The following HSBP1L1 variants were observed in gnomAD, a reference collection of about 807,000 sequenced individuals.
The protein encoded by HSBP1L1 is heat shock factor-binding protein 1-like protein 1.
HSBP1L1 carries 8 observed loss-of-function variants against 9.7 expected under a neutral mutation model. The ratio of observed to expected loss-of-function variants is 0.82; its 90% confidence interval spans 0.48 to 1.48. HSBP1L1 has a LOEUF of 1.48. HSBP1L1 is among the 40% of genes most tolerant of loss of function. HSBP1L1 has a pLI of 0.00. For missense variants in HSBP1L1, 106 were observed against 95.8 expected (o/e 1.11, Z -0.44); for synonymous variants, 39 against 34.4 (o/e 1.13, Z -0.46).
chr18:79,970,161 C>T, intron 3 of HSBP1L1: 1 of 370,988 alleles, frequency 2.7e-6, no homozygotes, highest in South Asian at 3.6e-5. Flanking sequence ...CTGGCTGTAA[C>T]CTGGGGAAAT....
intron 3 of HSBP1L1, among the ~76,000 whole-genome samples, chr18:79,969,377 AAGAAAG>A (rs1243336164): frequency 0.021 from 1,128 of 53,852 alleles, 29 homozygotes; most frequent in African/African-American, 0.048. Context: ...GAAAGAAAGA[AAGAAAG>A]AAAGAAAGAA....
At chr18:79,969,318 A>AG (rs2051277685) in intron 3 of HSBP1L1, among the ~76,000 whole-genome samples, 7 of 116,738 alleles carry the variant, frequency 6.0e-5, no homozygotes, top group Non-Finnish European at 1.2e-4. Context: ...GAAAGGAAAG[A>AG]AAGAAAGAAA....
intron 2 of HSBP1L1, 188 bp downstream of exon 2, chr18:79,966,866 C>T (rs2051259688): frequency 5.9e-6 from 3 of 511,904 alleles, no homozygotes; most frequent in Admixed American, 6.9e-5. Flanking sequence ...GCTGTACCTC[C>T]GGCCGGGTGC....
chr18:79,966,548 A>G (rs2051258163), intron 1 of HSBP1L1, 64 bp from the exon 2 acceptor site: 2 of 1,304,792 alleles, frequency 1.5e-6, no homozygotes, highest in Non-Finnish European at 2.1e-6. Flanking sequence ...ATCTCAGAAA[A>G]AAAAAAAAAC....
rs953785439 is a variant in HSBP1L1, at chr18:79,966,667, T to C, written c.107T>C (p.Leu36Ser). ...QEHFQALTATLNLRMEEMGNR... is the reference protein window; with the variant it reads ...QEHFQALTATSNLRMEEMGNR... ...CATTTTCAAGCTCTGACGGCAACAT[T>C]AAACCTCAGAAATATCCTTTTCTAC... The change falls in exon 2 of 4, where the codon TTA (leucine) becomes TCA (serine). Residue 36 changes from leucine (L) to serine (S), a missense_variant. Coordinates refer to ENST00000451882, the MANE Select transcript of HSBP1L1 (RefSeq NM_001136180.2). The C allele has an allele frequency of 6.5e-7, 1 of 1,548,160 alleles. No individual in the cohort carries two copies. Among genetic ancestry groups the C allele is most frequent in the Non-Finnish European group, 8.7e-7 (1 of 1,144,084 alleles).
chr18:79,969,365 AAG>A (rs1160656191), intron 3 of HSBP1L1, among the ~76,000 whole-genome samples: 3 of 49,410 alleles, frequency 6.1e-5, no homozygotes, highest in South Asian at 2.4e-3. Context: ...GAAAGAAAGA[AAG>A]AAAGAAAGAA....
At chr18:79,969,335 G>GAA (rs1277031309) in intron 3 of HSBP1L1, among the ~76,000 whole-genome samples, 21 of 16,392 alleles carry the variant, frequency 1.3e-3, no homozygotes, top group African/African-American at 4.5e-3. Context: ...GAAAGAAAAA[G>GAA]AAAGAAAGAA....
At chr18:79,970,319 T>C in intron 3 of HSBP1L1, 121 bp from the exon 4 acceptor site, 1 of 685,444 alleles carries the variant, frequency 1.5e-6, no homozygotes. Context: ...TCCAAATCAT[T>C]ATGATTTCAA....
chr18:79,967,147 C>CAAAAAAAAAAAAGAAAAAAAAA (rs2051261840), intron 2 of HSBP1L1, among the ~76,000 whole-genome samples: 1 of 105,196 alleles, frequency 9.5e-6, no homozygotes, highest in African/African-American at 3.7e-5. Context: ...GACTCCGTCT[C>CAAAAAAAAAAAAGAAAAAAAAA]AAAAAAAAAA....
At chr18:79,965,874 A>G (rs973642767) in intron 1 of HSBP1L1, among the ~76,000 whole-genome samples, 1 of 152,214 alleles carries the variant, frequency 6.6e-6, no homozygotes, top group African/African-American at 2.4e-5. Flanking sequence ...CAAAGGCCTT[A>G]GCACCTTTGT....
At chr18:79,967,345 T>A (rs2051262968) in intron 2 of HSBP1L1, 1 of 152,164 alleles carries the variant, frequency 6.6e-6, no homozygotes, top group Admixed American at 6.5e-5. Flanking sequence ...GATACGGCTC[T>A]CCCAAACTTT....
Position 79,970,550 on chromosome 18 carries a change from C to T in HSBP1L1, c.*99C>T. 2.8e-6 allele frequency: 2 copies of T among 708,850 alleles called. No individual in the cohort carries two copies. The highest frequency in any genetic ancestry group is 2.0e-5 in the Admixed American group (1 of 49,242). 43.9% of individuals were successfully genotyped at this position (708,850 alleles called of 1,614,324 possible). On this transcript the variant is annotated 3_prime_UTR_variant, in exon 4 of 4. Coordinates refer to ENST00000451882, the MANE Select transcript of HSBP1L1 (RefSeq NM_001136180.2). ...CCCTCATCCAACAGGATTCGTCTTT[C>T]TGAGAAGAGACGCAAGGGGCTCGCC... is the stretch of plus-strand genomic sequence containing the variant.
chr18:79,964,721 C>T lies in HSBP1L1; in HGVS notation c.-15C>T, dbSNP rs1416965148. ...CCACGGGACCCCCCACTGACGCCCC[C>T]GGCCAGCGGTCCACATGGACGTGCG... On this transcript the variant is annotated 5_prime_UTR_variant, in exon 1 of 4. Coordinates refer to ENST00000451882, the MANE Select transcript of HSBP1L1 (RefSeq NM_001136180.2). The T allele has an allele frequency of 5.7e-6, 8 of 1,403,608 alleles. No individual in the cohort carries two copies. Among genetic ancestry groups the T allele is most frequent in the Middle Eastern group, 2.3e-4 (1 of 4,266 alleles). The allele number at this position is 1,403,608 out of a possible 1,614,324, so 86.9% of individuals were successfully genotyped here.
chr18:79,964,716 G>GC lies in HSBP1L1; in HGVS notation c.-15dup. The GC allele has an allele frequency of 1.4e-6, 2 of 1,391,970 alleles. No individual in the cohort carries two copies. The highest frequency in any genetic ancestry group is 1.9e-6 in the Non-Finnish European group (2 of 1,068,108). The allele number at this position is 1,391,970 out of a possible 1,614,324, so 86.2% of individuals were successfully genotyped here. ...GCGGCCCACGGGACCCCCCACTGAC[G>GC]CCCCCGGCCAGCGGTCCACATGGAC... On this transcript the variant is annotated 5_prime_UTR_variant, in exon 1 of 4. Transcript: ENST00000451882.
In HSBP1L1 at chr18:79,969,325, G is replaced by GAAAGAA. The variant is rs1254642043; in HGVS notation, c.214-1107_214-1102dup. On this transcript the variant is annotated intron_variant, in intron 3 of 3. Transcript: ENST00000451882. ...GAGAGAGAGAAAGGAAAGAAAGAAA[G>GAAAGAA]AAAGAAAAAGAAAGAAAGAAAGAAA... Among the ~76,000 whole-genome samples the GAAAGAA allele has an allele frequency of 3.0e-5, 3 of 101,672 alleles. 1 individual carries two copies. In the South Asian group the frequency reaches 1.1e-3, roughly 39 times the overall value. The allele number at this position is 101,672 out of a possible 152,430, so 66.7% of individuals were successfully genotyped here.
intron 3 of HSBP1L1, 118 bp from the exon 4 acceptor site, chr18:79,970,322 G>T: frequency 1.4e-6 from 1 of 696,532 alleles, no homozygotes; most frequent in South Asian, 1.5e-5. Context: ...AAATCATTAT[G>T]ATTTCAACTG....
At chr18:79,965,169 T>C (rs1833250338) in intron 1 of HSBP1L1, among the ~76,000 whole-genome samples, 1 of 151,762 alleles carries the variant, frequency 6.6e-6, no homozygotes, top group Non-Finnish European at 1.5e-5. Context: ...GGCCAAAGGG[T>C]GCCCGAAAGG....
intron 2 of HSBP1L1, 120 bp from the exon 3 acceptor site, chr18:79,967,969 C>T (rs191755322): frequency 2.2e-4 from 132 of 606,724 alleles, no homozygotes; most frequent in South Asian, 1.3e-4. Context: ...CTAGGCCTGT[C>T]GTTGATTCCC....
chr18:79,964,841 T>A, intron 1 of HSBP1L1, 55 bp downstream of exon 1: 1 of 195,964 alleles, frequency 5.1e-6, no homozygotes, highest in Non-Finnish European at 8.4e-6. Flanking sequence ...CCTGCGGTTC[T>A]GGGGGGTTTT....
Sources: gnomAD v4.1 joint callset for allele counts (sites outside exome capture counted in the v4.1 genomes callset) on GRCh38, gnomAD v4.1.1 for gene constraint, MANE v1.5 for transcripts, NCBI Gene and HGNC (gene_info 2026-07-23, HGNC 2026-07-21) for gene names.